The following MYO1D variants were observed in gnomAD, a reference collection of about 807,000 sequenced individuals.
MYO1D encodes the protein unconventional myosin-Id.
Under a neutral mutation model 122.0 loss-of-function variants are expected in MYO1D, and 83 were observed. The ratio of observed to expected loss-of-function variants is 0.68; its 90% CI spans 0.57 to 0.82. The LOEUF is 0.82. Ranked by LOEUF, MYO1D falls within the 40% of genes least tolerant of loss-of-function variation. MYO1D has a pLI of 0.00. For missense variants in MYO1D, 1,157 were observed against 1,269.5 expected, an observed-to-expected ratio of 0.91 and a Z score of 1.35; for synonymous variants, 464 against 446.9, an observed-to-expected ratio of 1.04 and a Z score of -0.48.
At chr17:32,667,980 G>A (rs1008225269) in intron 16 of MYO1D, among the ~76,000 whole-genome samples, 1 of 152,016 alleles carries the variant, frequency 6.6e-6, no homozygotes, top group African/African-American at 2.4e-5. Context: ...AACCCAAATC[G>A]CAATTATTTT....
At chr17:32,497,354 G>A (rs1284573470) in intron 21 of MYO1D, among the ~76,000 whole-genome samples, 1 of 152,186 alleles carries the variant, frequency 6.6e-6, no homozygotes, top group Admixed American at 6.5e-5. Flanking sequence ...TTCCCTGGGA[G>A]GCTGAGGCAG....
intron 21 of MYO1D, among the ~76,000 whole-genome samples, chr17:32,547,528 C>A (rs376915200): frequency 6.6e-6 from 1 of 152,230 alleles, no homozygotes; most frequent in Non-Finnish European, 1.5e-5. Context: ...CTTCTGCTGC[C>A]GCAGAATCAC....
chr17:32,735,654 C>T (rs966926853), intron 14 of MYO1D, among the ~76,000 whole-genome samples: 10 of 152,020 alleles, frequency 6.6e-5, no homozygotes, highest in African/African-American at 2.4e-4. Flanking sequence ...AAATCTCCCA[C>T]TATGATGGTG....
chr17:32,712,119 C>A lies in MYO1D; in HGVS notation c.1990G>T (p.Glu664Ter). The A allele has an allele frequency of 1.2e-6, 2 of 1,614,030 alleles. No homozygotes were observed. Among genetic ancestry groups the A allele is most frequent in the Non-Finnish European group, 1.7e-6 (2 of 1,179,992 alleles). Residue 664 changes from glutamate to a stop codon, truncating the protein, a stop_gained, in exon 16 of 22, where the codon GAA becomes TAA. Coordinates refer to ENST00000318217, the MANE Select transcript of MYO1D (RefSeq NM_015194.3). LOFTEE classifies it high-confidence loss of function. The part of the protein sequence containing the change: ...SDKEAVKKLI[E>*]RCGFQDDVAY... ...ACATCATCCTGAAAACCACACCGTT[C>A]AATTAGTTTCTTGACAGCCTCTTTG... is the stretch of plus-strand genomic sequence containing the variant.
At chr17:32,566,993 A>C (rs1465027972) in intron 21 of MYO1D, among the ~76,000 whole-genome samples, 3 of 150,252 alleles carry the variant, frequency 2.0e-5, no homozygotes, top group Non-Finnish European at 4.4e-5. Flanking sequence ...CCCGTGCTCC[A>C]TCCATGTTCA....
intron 16 of MYO1D, among the ~76,000 whole-genome samples, chr17:32,710,449 G>T (rs2089361052): frequency 1.3e-5 from 2 of 152,090 alleles, no homozygotes; most frequent in Admixed American, 1.3e-4. Flanking sequence ...GATTCTAAAT[G>T]AATTAAAGAC....
At chr17:32,653,408 A>T (rs2088425467) in intron 19 of MYO1D, among the ~76,000 whole-genome samples, 1 of 151,800 alleles carries the variant, frequency 6.6e-6, no homozygotes, top group Non-Finnish European at 1.5e-5. Flanking sequence ...GGAGTTCGAG[A>T]CCAGCCTGAC....
intron 1 of MYO1D, among the ~76,000 whole-genome samples, chr17:32,838,803 G>C (rs2090851506): frequency 6.6e-6 from 1 of 152,080 alleles, no homozygotes; most frequent in East Asian, 1.9e-4. Flanking sequence ...GGACTATGAG[G>C]AATATTAACA....
intron 21 of MYO1D, among the ~76,000 whole-genome samples, chr17:32,497,382 G>A (rs1205600379): frequency 6.6e-6 from 1 of 152,142 alleles, no homozygotes; most frequent in Non-Finnish European, 1.5e-5. Flanking sequence ...GCCTGAGCCC[G>A]GGAATTCAAG....
At chr17:32,765,493 T>C (rs1338450975) in intron 7 of MYO1D, among the ~76,000 whole-genome samples, 2 of 152,186 alleles carry the variant, frequency 1.3e-5, no homozygotes, top group Non-Finnish European at 2.9e-5. Flanking sequence ...AGTCTCGCTC[T>C]GTCGCCCAGG....
At chr17:32,681,176 AT>A (rs1316324185) in intron 16 of MYO1D, among the ~76,000 whole-genome samples, 3 of 151,552 alleles carry the variant, frequency 2.0e-5, no homozygotes, top group African/African-American at 7.3e-5. Flanking sequence ...TGGTCTATCA[AT>A]TTTGTTGCTC....
intron 20 of MYO1D, among the ~76,000 whole-genome samples, chr17:32,633,184 G>A (rs2088045910): frequency 7.3e-6 from 1 of 136,590 alleles, no homozygotes. Flanking sequence ...AAAAAAAACA[G>A]TTAAGCCCCC....
intron 21 of MYO1D, among the ~76,000 whole-genome samples, chr17:32,546,667 CCT>C (rs2086967615): frequency 6.6e-6 from 1 of 152,148 alleles, no homozygotes; most frequent in African/African-American, 2.4e-5. Context: ...TCCCCAAACC[CCT>C]GTGCTCCCAA....
At chr17:32,531,698 C>A (rs1425919882) in intron 21 of MYO1D, among the ~76,000 whole-genome samples, 1 of 152,084 alleles carries the variant, frequency 6.6e-6, no homozygotes, top group Non-Finnish European at 1.5e-5. Flanking sequence ...ACAAAAATGG[C>A]CATGTGCATG....
chr17:32,613,605 C>T (rs1180233700), intron 20 of MYO1D, among the ~76,000 whole-genome samples: 2 of 151,876 alleles, frequency 1.3e-5, no homozygotes, highest in African/African-American at 4.8e-5. Flanking sequence ...GAAACTCTGT[C>T]TCTACTAAAA....
intron 16 of MYO1D, among the ~76,000 whole-genome samples, chr17:32,701,419 C>T (rs1447660446): frequency 6.6e-6 from 1 of 152,126 alleles, no homozygotes; most frequent in African/African-American, 2.4e-5. Flanking sequence ...AGGTAAACAT[C>T]ATATTGCTAT....
chr17:32,533,633 G>A (rs1347653639), intron 21 of MYO1D, among the ~76,000 whole-genome samples: 1 of 152,102 alleles, frequency 6.6e-6, no homozygotes, highest in Non-Finnish European at 1.5e-5. Flanking sequence ...GGGTGTCTCT[G>A]TGATCCGCTG....
chr17:32,865,837 A>G (rs2091119273), intron 1 of MYO1D, among the ~76,000 whole-genome samples: 1 of 152,228 alleles, frequency 6.6e-6, no homozygotes, highest in Non-Finnish European at 1.5e-5. Context: ...TGGAAGGTGG[A>G]CAAAATATCA....
intron 20 of MYO1D, among the ~76,000 whole-genome samples, chr17:32,626,888 T>C (rs1472284412): frequency 1.3e-5 from 2 of 152,184 alleles, no homozygotes; most frequent in South Asian, 2.1e-4. Context: ...AATAAAGTCA[T>C]TGAGTGTTAA....
Sources: gnomAD v4.1 joint callset for allele counts (sites outside exome capture counted in the v4.1 genomes callset) on GRCh38, gnomAD v4.1.1 for gene constraint, MANE v1.5 for transcripts, NCBI Gene and HGNC (gene_info 2026-07-23, HGNC 2026-07-21) for gene names.